CACNA1C: variants seen among roughly 807,000 people sequenced by gnomAD.
CACNA1C encodes voltage-dependent L-type calcium channel subunit alpha-1C.
A neutral mutation model predicts 229.0 loss-of-function variants in CACNA1C; 30 were observed. The ratio of observed to expected loss-of-function variants is 0.13; its 90% confidence interval spans 0.10 to 0.18. The LOEUF (loss-of-function observed/expected upper bound fraction) is 0.18. CACNA1C is among the 10% of genes least tolerant of loss of function. The probability of loss-of-function intolerance (pLI) is 1.00; values close to 1 mark genes in which losing one functional copy is unlikely to be tolerated. For synonymous variants in CACNA1C, 1,114 were observed against 1,132.5 expected, an observed-to-expected ratio of 0.98 and a Z score of 0.33; for missense variants, 1,658 against 2,845.0, an observed-to-expected ratio of 0.58 and a Z score of 9.49.
In CACNA1C at chr12:2,472,479, T is replaced by C. The variant is rs116658515; in HGVS notation, c.758-13625T>C. 5.8e-3 allele frequency among the ~76,000 whole-genome samples: 887 copies of C among 152,322 alleles called. 8 individuals carry two copies. Among genetic ancestry groups the C allele is most frequent in the African/African-American group, 0.019 (810 of 41,580 alleles). On this transcript the variant is annotated intron_variant, in intron 5 of 46. Transcript: ENST00000399655. ...TGTTCCTTTTTATAGTTCCCATTTA[T>C]TTGTGGAATTCTCTATATTTCTCCC...
chr12:2,216,492 G>C (rs1171814725), intron 3 of CACNA1C, among the ~76,000 whole-genome samples: 1 of 152,158 alleles, frequency 6.6e-6, no homozygotes, highest in African/African-American at 2.4e-5. Flanking sequence ...CAATTGACTG[G>C]TTATCAAACC....
chr12:2,297,121 T>C (rs2094118330), intron 3 of CACNA1C, among the ~76,000 whole-genome samples: 2 of 152,166 alleles, frequency 1.3e-5, no homozygotes, highest in Non-Finnish European at 2.9e-5. Flanking sequence ...CGCTCAGTAA[T>C]AGAAGCAACT....
intron 1 of CACNA1C, among the ~76,000 whole-genome samples, chr12:1,990,448 C>T (rs1453026516): frequency 6.6e-6 from 1 of 152,174 alleles, no homozygotes. Context: ...CTCTATTTAT[C>T]AAGCATCTTT....
intron 3 of CACNA1C, among the ~76,000 whole-genome samples, chr12:2,158,686 AACTATC>A (rs2095672032): frequency 6.6e-6 from 1 of 152,246 alleles, no homozygotes; most frequent in Non-Finnish European, 1.5e-5. Flanking sequence ...TATCTGATCA[AACTATC>A]ACTCAAGCAA....
At chr12:2,197,583 T>C (rs1196039014) in intron 3 of CACNA1C, among the ~76,000 whole-genome samples, 1 of 152,244 alleles carries the variant, frequency 6.6e-6, no homozygotes, top group African/African-American at 2.4e-5. Context: ...CAGCCTGTAA[T>C]ATGTTCAGTG....
At chr12:2,450,385 T>A (rs1403692566) in intron 4 of CACNA1C, among the ~76,000 whole-genome samples, 1 of 151,494 alleles carries the variant, frequency 6.6e-6, no homozygotes, top group Non-Finnish European at 1.5e-5. Context: ...AAACCCCGTC[T>A]CTACTAAAAA....
At chr12:1,982,406 A>C (rs1725557357) in intron 1 of CACNA1C, among the ~76,000 whole-genome samples, 1 of 152,026 alleles carries the variant, frequency 6.6e-6, no homozygotes, top group African/African-American at 2.4e-5. Flanking sequence ...CCTGAAAACC[A>C]CTATTTTACT....
At chr12:2,004,147 C>T in intron 1 of CACNA1C, 1 of 1,313,878 alleles carries the variant, frequency 7.6e-7, no homozygotes, top group Non-Finnish European at 1.0e-6. Context: ...ACAACTTCGG[C>T]CTCAGTCCCC....
At chr12:2,240,077 A>G (rs1445548904) in intron 3 of CACNA1C, among the ~76,000 whole-genome samples, 3 of 152,396 alleles carry the variant, frequency 2.0e-5, no homozygotes, top group East Asian at 1.9e-4. Context: ...TTGCTGGATC[A>G]GTCAGAAAAT....
At chr12:2,137,812 A>G (rs1291543037) in intron 3 of CACNA1C, among the ~76,000 whole-genome samples, 2 of 151,446 alleles carry the variant, frequency 1.3e-5, no homozygotes, top group East Asian at 3.9e-4. Context: ...CCTTTCCAAG[A>G]TGGGTGGTGA....
chr12:2,662,086 C>CA (rs2095784328), intron 34 of CACNA1C, among the ~76,000 whole-genome samples: 1 of 151,856 alleles, frequency 6.6e-6, no homozygotes, highest in East Asian at 1.9e-4. Context: ...ACTAAAAATA[C>CA]AAAAAATTAG....
Position 1,996,491 on chromosome 12 carries a change from C to T in CACNA1C, c.139+25290C>T, listed in dbSNP as rs187430692. Among the ~76,000 whole-genome samples the T allele has an allele frequency of 2.6e-5, 4 of 151,952 alleles. No homozygotes were observed. In the East Asian group the frequency reaches 7.7e-4, roughly 29 times the overall value. On this transcript the variant is annotated intron_variant, in intron 1 of 46. Transcript: ENST00000682462. ...GCTAAGTTCCACCATATTCCTGAGG[C>T]CCAATTCAAGACACATCACTCTATA...
chr12:2,655,585 C>T (rs1294912367), intron 34 of CACNA1C, among the ~76,000 whole-genome samples: 1 of 152,202 alleles, frequency 6.6e-6, no homozygotes, highest in Non-Finnish European at 1.5e-5. Flanking sequence ...TTCTCTGAAC[C>T]TCAGTTTTCT....
chr12:2,498,656 A>T (rs773667275), intron 7 of CACNA1C, among the ~76,000 whole-genome samples: 2 of 152,238 alleles, frequency 1.3e-5, no homozygotes, highest in African/African-American at 2.4e-5. Flanking sequence ...CAGCTGAGCC[A>T]TGGGGGTCAG....
chr12:2,239,671 T>G (rs559557625), intron 3 of CACNA1C, among the ~76,000 whole-genome samples: 2 of 152,148 alleles, frequency 1.3e-5, no homozygotes, highest in Non-Finnish European at 2.9e-5. Flanking sequence ...TTTCCAATTT[T>G]AGCGGTGTTA....
chr12:2,153,709 G>C (rs757917287), intron 3 of CACNA1C, among the ~76,000 whole-genome samples: 1 of 152,198 alleles, frequency 6.6e-6, no homozygotes, highest in Non-Finnish European at 1.5e-5. Flanking sequence ...CTCTGCGTGG[G>C]GTGGGGCAGC....
Position 2,156,750 on chromosome 12 carries a change from A to T in CACNA1C, c.477+36320A>T, listed in dbSNP as rs908343360. Among the ~76,000 whole-genome samples the T allele has an allele frequency of 2.0e-5, 3 of 152,234 alleles. No homozygotes were observed. In the South Asian group the frequency reaches 6.2e-4, roughly 31 times the overall value. ...ACCCGTGAATTCCACAAGCTAAGCC[A>T]TCGGGGATGAGGGTGGTCTTCAGCA... On this transcript the variant is annotated intron_variant, in intron 3 of 46. Coordinates refer to ENST00000399655, the MANE Select transcript of CACNA1C (RefSeq NM_000719.7).
At position 2,575,257 on chromosome 12, in the gene CACNA1C, G is replaced by A. The variant is rs554679886; in HGVS notation, c.1896-6333G>A. On this transcript the variant is annotated intron_variant, in intron 13 of 46. Transcript: ENST00000399655. The surrounding 1 kb of genome is among the most constrained non-coding windows in gnomAD (Gnocchi z 4.0). ...GCCTGCTAGAATGGACGGGAGCAGG[G>A]GCAGGTACCAGTAGAAACTGAACCG... Among the ~76,000 whole-genome samples the A allele has an allele frequency of 6.6e-6, 1 of 152,318 alleles. No homozygotes were observed. Among genetic ancestry groups the A allele is most frequent in the African/African-American group, 2.4e-5 (1 of 41,564 alleles).
intron 15 of CACNA1C, among the ~76,000 whole-genome samples, chr12:2,583,819 C>A (rs1046939255): frequency 2.6e-5 from 4 of 152,232 alleles, no homozygotes; most frequent in African/African-American, 9.7e-5. Context: ...CTTCCCCAGC[C>A]TGGGTTGCTG....
Sources: allele counts gnomAD v4.1 joint callset (sites outside exome capture counted in the v4.1 genomes callset), GRCh38; gene constraint gnomAD v4.1.1; non-coding constraint Gnocchi (gnomAD v3.1); transcripts MANE v1.5; gene names NCBI Gene and HGNC (gene_info 2026-07-23, HGNC 2026-07-21).